Variants in HEPACAM2 observed in about 807,000 individuals in gnomAD.
HEPACAM2 encodes the protein HEPACAM family member 2, also known as mitotic kinetics regulator.
In HEPACAM2, 49 loss-of-function variants were observed where a neutral mutation model predicts 49.6. The ratio of observed to expected loss-of-function variants is 0.99; its 90% confidence interval spans 0.78 to 1.25. The LOEUF is 1.25. Among genes scored for constraint, HEPACAM2 ranks in the 50% most tolerant of loss-of-function variants. The pLI is 0.00. For missense variants in HEPACAM2, 525 were observed against 557.2 expected (o/e 0.94, Z 0.58); for synonymous variants, 197 against 202.9 (o/e 0.97, Z 0.25).
rs1175822989 is a variant in HEPACAM2, at chr7:93,188,901, G to A, written c.*366C>T. The A allele has an allele frequency of 2.5e-6, 1 of 396,994 alleles. No individual in the cohort carries two copies. Among genetic ancestry groups the A allele is most frequent in the Non-Finnish European group, 4.4e-6 (1 of 224,776 alleles). 24.6% of individuals were successfully genotyped at this position (396,994 alleles called of 1,614,324 possible). A position where few individuals can be genotyped will look rare whatever the true frequency, so the allele number is the denominator to read the frequency against. ...GTTTCCACATTTGTAGGTGAGACAG[G>A]ATAGTCTCAGTGTTGATGATAGTGA... On this transcript the variant is annotated 3_prime_UTR_variant, in exon 10 of 10. Transcript: ENST00000394468.
intron 1 of HEPACAM2, among the ~76,000 whole-genome samples, chr7:93,222,542 A>G (rs564401187): frequency 1.3e-5 from 2 of 152,284 alleles, no homozygotes; most frequent in East Asian, 1.9e-4. Context: ...TCAAGCACCT[A>G]TTCTCTTAAC....
At chr7:93,222,595 T>C (rs927443370) in intron 1 of HEPACAM2, among the ~76,000 whole-genome samples, 1 of 152,182 alleles carries the variant, frequency 6.6e-6, no homozygotes, top group African/African-American at 2.4e-5. Flanking sequence ...GTTAAAGATC[T>C]ACTGAAATAT....
At chr7:93,229,718 A>G (rs1296054050), upstream of HEPACAM2, among the ~76,000 whole-genome samples, 1 of 152,192 alleles carries the variant, frequency 6.6e-6, no homozygotes, top group Non-Finnish European at 1.5e-5. Flanking sequence ...TTTGCACTGG[A>G]CTATCACTAA....
chr7:93,204,737 A>G (rs1437689439), intron 4 of HEPACAM2, among the ~76,000 whole-genome samples: 1 of 152,150 alleles, frequency 6.6e-6, no homozygotes, highest in Non-Finnish European at 1.5e-5. Flanking sequence ...CCTACCTTTT[A>G]GAAAGACCAT....
chr7:93,195,772 A>C (rs1584328484), intron 8 of HEPACAM2, 56 bp downstream of exon 8: 1 of 1,345,936 alleles, frequency 7.4e-7, no homozygotes, highest in Admixed American at 1.7e-5. Context: ...TGCTTTTTAC[A>C]CCTCTGGTGA....
chr7:93,202,033 A>AAAAAAAAAAAAAAAAAC (rs1793904012), intron 4 of HEPACAM2, among the ~76,000 whole-genome samples: 7 of 14,618 alleles, frequency 4.8e-4, no homozygotes, highest in African/African-American at 9.2e-4. Flanking sequence ...AAAAAAAACC[A>AAAAAAAAAAAAAAAAAC]AAAAAAAAAA....
At position 93,189,215 on chromosome 7, in the gene HEPACAM2, TA is replaced by T; in HGVS notation, c.*51del. On this transcript the variant is annotated 3_prime_UTR_variant, in exon 10 of 10. Transcript: ENST00000394468. The stretch of plus-strand genomic sequence containing the variant: ...AATATACTTTTCCACTGTTTTTCCT[TA>T]AAATGTTTCTTCAGAATTTCACTCG... The T allele has an allele frequency of 6.6e-7, 1 of 1,524,224 alleles. No homozygotes were observed. Among genetic ancestry groups the T allele is most frequent in the Non-Finnish European group, 9.1e-7 (1 of 1,104,360 alleles). 94.4% of individuals were successfully genotyped at this position (1,524,224 alleles called of 1,614,324 possible). A position where few individuals can be genotyped will look rare whatever the true frequency, so the allele number is the denominator to read the frequency against.
At chr7:93,214,832 A>G (rs2116701724) in intron 3 of HEPACAM2, among the ~76,000 whole-genome samples, 1 of 152,300 alleles carries the variant, frequency 6.6e-6, no homozygotes, top group South Asian at 2.1e-4. Flanking sequence ...AGTATATGTC[A>G]AAAATGATAT....
intron 1 of HEPACAM2, among the ~76,000 whole-genome samples, chr7:93,225,144 A>G (rs1215801582): frequency 2.0e-5 from 3 of 152,182 alleles, no homozygotes; most frequent in African/African-American, 7.2e-5. Context: ...CAAAAACAAC[A>G]CTTATAAAAT....
chr7:93,208,240 G>T (rs931754438), intron 4 of HEPACAM2, among the ~76,000 whole-genome samples: 2 of 152,000 alleles, frequency 1.3e-5, no homozygotes, highest in Non-Finnish European at 2.9e-5. Flanking sequence ...ACCTAATGCA[G>T]TGGTAGATAT....
At position 93,226,369 on chromosome 7, in the gene HEPACAM2, G is replaced by A. The variant is rs1210870913; in HGVS notation, c.78C>T (p.Phe26=). Residue 26 remains phenylalanine, a splice_region_variant and synonymous_variant, in exon 1 of 10, where the codon TTC becomes TTT. Coordinates refer to ENST00000394468, the MANE Select transcript of HEPACAM2 (RefSeq NM_001039372.4). Reference sequence around the variant, plus strand: ...AACACAATTCACACAGGGCCTTACCGAAGAGAAGGAGGTATATTTTGCACT... The same window carrying A: ...AACACAATTCACACAGGGCCTTACCAAAGAGAAGGAGGTATATTTTGCACT... ...VFQCKIYLLL[F]GACSGLKVTV... is the part of the protein sequence containing the mutation. 15 of 1,606,712 alleles carry A rather than the reference G, an allele frequency of 9.3e-6. No individual in the cohort carries two copies. Among genetic ancestry groups the A allele is most frequent in the Non-Finnish European group, 1.3e-5 (15 of 1,174,492 alleles).
intron 3 of HEPACAM2, among the ~76,000 whole-genome samples, chr7:93,210,009 T>C (rs1794139681): frequency 6.6e-6 from 1 of 151,982 alleles, no homozygotes; most frequent in Admixed American, 6.6e-5. Flanking sequence ...TTTTTCCACA[T>C]TGCAGTACTC....
At chr7:93,206,826 C>A (rs1439332450) in intron 4 of HEPACAM2, among the ~76,000 whole-genome samples, 1 of 152,000 alleles carries the variant, frequency 6.6e-6, no homozygotes, top group East Asian at 1.9e-4. Context: ...CTCCTGGTAC[C>A]AAGGAGTACC....
At chr7:93,195,801 G>C (rs376723300) in intron 8 of HEPACAM2, 27 bp downstream of exon 8, 29 of 1,560,002 alleles carry the variant, frequency 1.9e-5, no homozygotes, top group Non-Finnish European at 2.5e-5. Flanking sequence ...TCTACTTCTC[G>C]GTTAATCAGC....
rs1562817464 is a variant in HEPACAM2 at position 93,189,225 on chromosome 7, CT to C, written c.*41del. On this transcript the variant is annotated 3_prime_UTR_variant, in exon 10 of 10. Transcript: ENST00000394468. The stretch of plus-strand genomic sequence containing the variant: ...TCCACTGTTTTTCCTTAAAATGTTT[CT>C]TCAGAATTTCACTCGAATGTACTGT... 1.3e-6 allele frequency: 2 copies of C among 1,560,110 alleles called. No individual in the cohort carries two copies. The highest frequency in any genetic ancestry group is 1.8e-6 in the Non-Finnish European group (2 of 1,136,650).
Position 93,208,706 on chromosome 7 carries a change from C to T in HEPACAM2, c.886G>A (p.Gly296Arg), listed in dbSNP as rs748505413. ...TCAGATGCAACTTCTAAGCGAGGCC[C>T]ATGCTTAATGATATATGTAGTATTG... Reference protein sequence around the residue: ...TDNTTYIIKHGPRLEVASEKV... With the variant: ...TDNTTYIIKHRPRLEVASEKV... The change falls in exon 4 of 10, where the codon GGG becomes AGG. Residue 296 changes from glycine to arginine, a missense_variant. Physicochemically the swap from Gly to Arg is moderately radical, Grantham distance 125. Coordinates refer to ENST00000394468, the MANE Select transcript of HEPACAM2 (RefSeq NM_001039372.4). The T allele has an allele frequency of 1.2e-6, 2 of 1,613,064 alleles. No individual in the cohort carries two copies. Among genetic ancestry groups the T allele is most frequent in the African/African-American group, 2.7e-5 (2 of 74,836 alleles).
intron 1 of HEPACAM2, among the ~76,000 whole-genome samples, chr7:93,219,764 T>C (rs548041263): frequency 7.2e-5 from 11 of 152,184 alleles, no homozygotes; most frequent in Non-Finnish European, 1.6e-4. Context: ...TAAAGTCCAA[T>C]GAAACCATTA....
chr7:93,219,202 T>C lies in HEPACAM2; in HGVS notation c.329A>G (p.Asn110Ser), dbSNP rs1162534445. The C allele has an allele frequency of 6.2e-7, 1 of 1,613,858 alleles. No homozygotes were observed. The highest frequency in any genetic ancestry group is 1.3e-5 in the African/African-American group (1 of 74,902). ...GCCTTCATCAGGGAACTGCAGTGGGTTGATAAGCAGAGATGCATTGGGTGG... is the reference window on the plus strand; with the variant it reads ...GCCTTCATCAGGGAACTGCAGTGGGCTGATAAGCAGAGATGCATTGGGTGG... ...MMPPNASLLI[N>S]PLQFPDEGNY... Residue 110 changes from asparagine (N) to serine (S), a missense_variant, in exon 2 of 10, where the codon AAC (asparagine) becomes AGC (serine). Physicochemically the swap from Asn to Ser is conservative, Grantham distance 46. Coordinates refer to ENST00000394468, the MANE Select transcript of HEPACAM2 (RefSeq NM_001039372.4).
chr7:93,196,464 A>T (rs1055468834), intron 7 of HEPACAM2, among the ~76,000 whole-genome samples: 1 of 152,154 alleles, frequency 6.6e-6, no homozygotes, highest in African/African-American at 2.4e-5. Context: ...GGCCCTTGCC[A>T]GCTCTGACAT....
Sources: allele counts gnomAD v4.1 joint callset (sites outside exome capture counted in the v4.1 genomes callset), GRCh38; gene constraint gnomAD v4.1.1; transcripts MANE v1.5; gene names NCBI Gene and HGNC (gene_info 2026-07-23, HGNC 2026-07-21).